CPSF1: variants seen among roughly 807,000 people sequenced by gnomAD.
CPSF1 encodes cleavage and polyadenylation specificity factor subunit 1.
A neutral mutation model predicts 175.8 loss-of-function variants in CPSF1; 106 were observed. That is an observed-to-expected ratio of 0.60 (90% CI 0.52 to 0.71). The LOEUF (loss-of-function observed/expected upper bound fraction) is 0.71. Ranked by LOEUF, CPSF1 falls within the 30% of genes least tolerant of loss-of-function variation. The probability of loss-of-function intolerance (pLI) is 0.00; values close to 1 mark genes in which losing one functional copy is unlikely to be tolerated. For synonymous variants in CPSF1, 1,024 were observed against 858.3 expected (o/e 1.19, Z -3.37); for missense variants, 1,734 against 2,022.9 (o/e 0.86, Z 2.74).
chr8:144,408,078 G>A (rs1242337565), intron 2 of CPSF1, among the ~76,000 whole-genome samples: 4 of 152,172 alleles, frequency 2.6e-5, no homozygotes, highest in Non-Finnish European at 4.4e-5. Flanking sequence ...AGGAGGGTTG[G>A]CCTCCTTTGG....
intron 26 of CPSF1, 198 bp from the exon 27 acceptor site, chr8:144,395,749 G>A (rs1306731771): frequency 5.0e-6 from 3 of 604,322 alleles, no homozygotes; most frequent in Admixed American, 2.9e-5. Context: ...ATTTTCCCAC[G>A]CTCAGCTGGG....
In CPSF1 at chr8:144,396,750, G is replaced by A. The variant is rs782706990; in HGVS notation, c.2683-9C>T. The A allele has an allele frequency of 3.1e-6, 5 of 1,613,740 alleles. No individual in the cohort carries two copies. Among genetic ancestry groups the A allele is most frequent in the Non-Finnish European group, 4.2e-6 (5 of 1,179,872 alleles). On this transcript the variant is annotated splice_polypyrimidine_tract_variant and intron_variant, in intron 24 of 37. Coordinates refer to ENST00000616140, the MANE Select transcript of CPSF1 (RefSeq NM_013291.3). Reference sequence around the variant, plus strand: ...TTGATGTTGTGAGGGACCTGGGGGGGAACCATGCAGGTCCTCCAGGGGCTG... The same window carrying A: ...TTGATGTTGTGAGGGACCTGGGGGGAAACCATGCAGGTCCTCCAGGGGCTG...
rs564468477 is a variant in CPSF1, at chr8:144,397,863, G to A, written c.2090C>T (p.Thr697Met). ...GCTGAGGTCTCGGTACAGGCACAGC[G>A]TAATCACCTTGGACTGCTGCGGGGA... Reference protein sequence around the residue: ...PPLHHQSKVITLCLYRDLSGM... With the variant: ...PPLHHQSKVIMLCLYRDLSGM... Residue 697 changes from threonine (T) to methionine (M), a missense_variant, in exon 21 of 38, where the codon ACG (threonine) becomes ATG (methionine). By Grantham distance (81) the Thr-to-Met change is moderately conservative. Around this residue, in one of 10 missense-constraint regions of CPSF1, gnomAD observed 280 missense variants for 349.2 expected, o/e 0.80. Transcript: ENST00000616140. 22 of 1,608,892 alleles carry A rather than the reference G, an allele frequency of 1.4e-5. No homozygotes were observed. The highest frequency in any genetic ancestry group is 3.3e-5 in the South Asian group (3 of 91,048).
At position 144,401,428 on chromosome 8, in the gene CPSF1, A is replaced by G. The variant is rs2116884433; in HGVS notation, c.306+2T>C. ...GCCTACCCCACCAAGCCTACCACTCACCTTGGCATCCTTGAAGCTTAGGAG... is the reference window on the plus strand; with the variant it reads ...GCCTACCCCACCAAGCCTACCACTCGCCTTGGCATCCTTGAAGCTTAGGAG... On this transcript the variant is annotated splice_donor_variant, in intron 4 of 37. Coordinates refer to ENST00000616140, the MANE Select transcript of CPSF1 (RefSeq NM_013291.3). LOFTEE classifies it high-confidence loss of function. The G allele has an allele frequency of 1.2e-6, 2 of 1,613,856 alleles. No homozygotes were observed. Among genetic ancestry groups the G allele is most frequent in the Non-Finnish European group, 1.7e-6 (2 of 1,179,944 alleles).
rs1423159549 is a variant in CPSF1 at position 144,393,533 on chromosome 8, C to A, written c.4203G>T (p.Gly1401=). The A allele has an allele frequency of 6.3e-7, 1 of 1,598,844 alleles. No homozygotes were observed. The highest frequency in any genetic ancestry group is 2.3e-5 in the East Asian group (1 of 44,234). ...LQNAVRNVLD[G]ELLNRYLYLS... Reference sequence around the variant, plus strand: ...GGTACAGGTAGCGGTTGAGCAGCTCCCCATCCAGCACGTTGCGCACGGCAT... The same window carrying A: ...GGTACAGGTAGCGGTTGAGCAGCTCACCATCCAGCACGTTGCGCACGGCAT... Residue 1401 remains glycine (G), a synonymous_variant, in exon 37 of 38, where the codon GGG becomes GGT. Transcript: ENST00000616140.
At position 144,396,182 on chromosome 8, in the gene CPSF1, C is replaced by T. The variant is rs543402126; in HGVS notation, c.2979+166G>A. The T allele has an allele frequency of 8.2e-5, 60 of 735,190 alleles. No individual in the cohort carries two copies. In the South Asian group the frequency reaches 1.0e-3, roughly 12 times the overall value. 45.5% of individuals were successfully genotyped at this position (735,190 alleles called of 1,614,324 possible). On this transcript the variant is annotated intron_variant, in intron 26 of 37. Transcript: ENST00000616140. ...ACCACCCCTTTCCAGACCTTTGGAG[C>T]AACCAAGTCACAGGTTCCACCTCCT...
chr8:144,402,771 A>T (rs2116892604), intron 2 of CPSF1, among the ~76,000 whole-genome samples: 7 of 152,244 alleles, frequency 4.6e-5, no homozygotes, highest in Admixed American at 1.3e-4. Context: ...ACTTAAAAAA[A>T]AAACACACAC....
chr8:144,401,345 C>T, intron 4 of CPSF1, 54 bp from the exon 5 acceptor site: 2 of 1,606,884 alleles, frequency 1.2e-6, no homozygotes, highest in African/African-American at 1.3e-5. Flanking sequence ...GACAGTGTCG[C>T]CCCCGGCAAC....
rs2116865555 is a variant in CPSF1, at chr8:144,399,710, T to G, written c.1120A>C (p.Met374Leu). The change falls in exon 12 of 38, where the codon ATG becomes CTG. Residue 374 changes from methionine to leucine, a missense_variant and splice_region_variant. This residue lies in a region of CPSF1 where 162 missense variants were observed against 169.5 expected (regional missense o/e 0.96). Transcript: ENST00000616140. The surrounding 1 kb of genome is among the most constrained non-coding windows in gnomAD (Gnocchi z 6.4). Reference protein sequence around the residue: ...KAAASVLTTSMVTMEPGYLFL... With the variant: ...KAAASVLTTSLVTMEPGYLFL... ...AGGTACCCGGGCTCCATGGTGACCA[T>G]CTGAGGGAGGGCAGGTGTGTGATGG... 9 of 1,608,702 alleles carry G rather than the reference T, an allele frequency of 5.6e-6. No individual in the cohort carries two copies. In the South Asian group the frequency reaches 1.0e-4, roughly 18 times the overall value.
intron 2 of CPSF1, among the ~76,000 whole-genome samples, chr8:144,405,093 A>G (rs1375939775): frequency 6.6e-6 from 1 of 152,180 alleles, no homozygotes; most frequent in East Asian, 1.9e-4. Flanking sequence ...GAAAATCTGA[A>G]TAAGAGGACG....
chr8:144,397,121 G>A, intron 23 of CPSF1, 86 bp downstream of exon 23: 2 of 1,322,476 alleles, frequency 1.5e-6, no homozygotes, highest in Non-Finnish European at 2.1e-6. Flanking sequence ...GAGATGGGGT[G>A]GAGCCACGGG....
Position 144,401,504 on chromosome 8 carries a change from C to T in CPSF1, c.232G>A (p.Val78Ile), listed in dbSNP as rs200367486. The change falls in exon 4 of 38, where the codon GTC becomes ATC. Residue 78 changes from valine to isoleucine, a missense_variant. Around this residue, in one of 10 missense-constraint regions of CPSF1, gnomAD observed 126 missense variants for 117.9 expected, o/e 1.07. Coordinates refer to ENST00000616140, the MANE Select transcript of CPSF1 (RefSeq NM_013291.3). ...LAASFSFFGN[V>I]MSMASVQLAG... ...AGCTGCACGCTGGCCATGGACATGA[C>T]GTTGCCAAAGAAGGAGAAGGAGGCA... 10 of 1,614,028 alleles carry T rather than the reference C, an allele frequency of 6.2e-6. No homozygotes were observed. The East Asian group carries it at 6.7e-5, about 11-fold the overall frequency.
rs2116913374 is a variant in CPSF1, at chr8:144,409,130, G to A, written c.29C>T (p.Pro10Leu). 5 of 1,612,754 alleles carry A rather than the reference G, an allele frequency of 3.1e-6. 1 individual carries two copies. Among genetic ancestry groups the A allele is most frequent in the South Asian group, 2.2e-5 (2 of 90,984 alleles). Residue 10 changes from proline (P) to leucine (L), a missense_variant, in exon 2 of 38, where the codon CCG becomes CTG. Coordinates refer to ENST00000616140, the MANE Select transcript of CPSF1 (RefSeq NM_013291.3). MYAVYKQAH[P>L]PTGLEFSMYC... Reference sequence around the variant, plus strand: ...CATGGAGAACTCCAGACCGGTGGGCGGATGCGCCTGTTTGTACACGGCGTA... The same window carrying A: ...CATGGAGAACTCCAGACCGGTGGGCAGATGCGCCTGTTTGTACACGGCGTA...
In CPSF1 at chr8:144,400,134, G is replaced by GCCCCCCCCCCCCCCCCCCCC. The variant is rs782373475; in HGVS notation, c.937+31_937+32insGGGGGGGGGGGGGGGGGGGG. 84 of 966,520 alleles carry GCCCCCCCCCCCCCCCCCCCC rather than the reference G, an allele frequency of 8.7e-5. 1 individual carries two copies. The highest frequency in any genetic ancestry group is 2.3e-4 in the Admixed American group (8 of 34,880). 59.9% of individuals were successfully genotyped at this position (966,520 alleles called of 1,614,324 possible). On this transcript the variant is annotated intron_variant, in intron 9 of 37. Transcript: ENST00000616140. ...ACTAGGCAGGCCCAAGCCGTCCCCGGGCCCCCCCCGCCCCAGCCACCCCAC... is the reference window on the plus strand; with the variant it reads ...ACTAGGCAGGCCCAAGCCGTCCCCGGCCCCCCCCCCCCCCCCCCCCGCCCCCCCCGCCCCAGCCACCCCAC...
In CPSF1 at chr8:144,403,848, C is replaced by A. The variant is rs2116896232; in HGVS notation, c.145-2175G>T. Among the ~76,000 whole-genome samples the A allele has an allele frequency of 1.1e-4, 17 of 152,144 alleles. No homozygotes were observed. In the South Asian group the frequency reaches 3.5e-3, roughly 32 times the overall value. ...TATAGACATGAGCCACCGCGCCCAA[C>A]TTCCTTAATCAAATAAAGGGTATCT... On this transcript the variant is annotated intron_variant, in intron 2 of 37. Coordinates refer to ENST00000616140, the MANE Select transcript of CPSF1 (RefSeq NM_013291.3).
At chr8:144,396,165 T>G in intron 26 of CPSF1, 183 bp downstream of exon 26, 1 of 662,196 alleles carries the variant, frequency 1.5e-6, no homozygotes, top group Non-Finnish European at 2.5e-6. Flanking sequence ...CAACCACCCC[T>G]TTCCAGACCT....
At chr8:144,405,454 C>T (rs1564698819) in intron 2 of CPSF1, among the ~76,000 whole-genome samples, 1 of 152,124 alleles carries the variant, frequency 6.6e-6, no homozygotes, top group African/African-American at 2.4e-5. Flanking sequence ...GAAACCCCAT[C>T]TCTACCAAAA....
In CPSF1 at chr8:144,395,459, A is replaced by G. The variant is rs544760886; in HGVS notation, c.3072T>C (p.Tyr1024=). 5.0e-6 allele frequency: 8 copies of G among 1,612,658 alleles called. No homozygotes were observed. The East Asian group carries it at 1.3e-4, about 27-fold the overall frequency. ...CCTTAGACTCCACGTGGTAAGCCAC[A>G]TAGTGGGCCGTGCAGCGCAGCGGGA... ...RKIPLRCTAH[Y]VAYHVESKVY... Residue 1024 remains tyrosine, a synonymous_variant, in exon 27 of 38, where the codon TAT becomes TAC. Coordinates refer to ENST00000616140, the MANE Select transcript of CPSF1 (RefSeq NM_013291.3).
intron 2 of CPSF1, among the ~76,000 whole-genome samples, chr8:144,403,218 T>G (rs1306646123): frequency 6.6e-6 from 1 of 151,892 alleles, no homozygotes; most frequent in Non-Finnish European, 1.5e-5. Flanking sequence ...TGTCTCAGCC[T>G]CCTCAGTAGC....
Sources: gnomAD v4.1 joint callset for allele counts (sites outside exome capture counted in the v4.1 genomes callset) on GRCh38, gnomAD v4.1.1 for gene constraint, gnomAD v4.1.1 regional missense constraint, Gnocchi (gnomAD v3.1) non-coding constraint, MANE v1.5 for transcripts, NCBI Gene and HGNC (gene_info 2026-07-23, HGNC 2026-07-21) for gene names.